BCL2L13: variants seen among roughly 807,000 people sequenced by gnomAD.
BCL2L13 encodes BCL2 like 13, also known as bcl-2-like protein 13.
In BCL2L13, 13 loss-of-function variants were observed where a neutral mutation model predicts 25.8. The ratio of observed to expected loss-of-function variants is 0.50; its 90% CI spans 0.33 to 0.80. The LOEUF is 0.80. Ranked by LOEUF, BCL2L13 falls within the 30% of genes least tolerant of loss-of-function variation. The pLI, the probability that BCL2L13 is intolerant of heterozygous loss-of-function variation, is 0.02. For missense variants in BCL2L13, 504 were observed against 574.9 expected (o/e 0.88, Z 1.26); for synonymous variants, 244 against 230.3 (o/e 1.06, Z -0.54).
chr22:17,722,553 C>T (rs2061176920), intron 6 of BCL2L13, among the ~76,000 whole-genome samples: 1 of 152,054 alleles, frequency 6.6e-6, no homozygotes. Context: ...GGTCTAATTG[C>T]CTATTTTTAA....
intron 2 of BCL2L13, among the ~76,000 whole-genome samples, chr22:17,670,608 G>A (rs1001195661): frequency 1.3e-5 from 2 of 151,866 alleles, no homozygotes; most frequent in African/African-American, 2.4e-5. Flanking sequence ...CCCCGACCTC[G>A]GCTGCTTCGG....
chr22:17,647,828 A>C (rs1418732429), intron 1 of BCL2L13, among the ~76,000 whole-genome samples: 1 of 152,196 alleles, frequency 6.6e-6, no homozygotes, highest in Non-Finnish European at 1.5e-5. Context: ...TATGATGTTT[A>C]TTAGAAATGC....
At chr22:17,651,417 C>G (rs950485192) in intron 1 of BCL2L13, among the ~76,000 whole-genome samples, 14 of 151,378 alleles carry the variant, frequency 9.2e-5, no homozygotes, top group Admixed American at 4.0e-4. Flanking sequence ...GAGTCTTACT[C>G]TGTTGCCCAG....
intron 6 of BCL2L13, among the ~76,000 whole-genome samples, chr22:17,715,010 A>G (rs2060872833): frequency 6.6e-6 from 1 of 151,070 alleles, no homozygotes; most frequent in Non-Finnish European, 1.5e-5. Context: ...AGAATGTTTC[A>G]TCAATGTGGG....
upstream of BCL2L13, chr22:17,638,646 C>T (rs1035567891): frequency 3.3e-6 from 4 of 1,228,756 alleles, no homozygotes; most frequent in African/African-American, 1.6e-5. Flanking sequence ...ACGGAGAGAC[C>T]TCCGGGGCCT....
In BCL2L13 at chr22:17,729,661, AG is replaced by A. The variant is rs2061370737; in HGVS notation, c.*2129del. On this transcript the variant is annotated 3_prime_UTR_variant, in exon 7 of 7. Coordinates refer to ENST00000317582, the MANE Select transcript of BCL2L13 (RefSeq NM_015367.4). Reference sequence around the variant, plus strand: ...AATTGGAGCCTGTGTTGCCCACGAAAGGAAAGAATAAGGAAGAAATGTGGTA... The same window carrying A: ...AATTGGAGCCTGTGTTGCCCACGAAAGAAAGAATAAGGAAGAAATGTGGTA... 6.6e-6 allele frequency: 1 copy of A among 152,218 alleles called. No homozygotes were observed. Among genetic ancestry groups the A allele is most frequent in the African/African-American group, 2.4e-5 (1 of 41,464 alleles). 9.4% of individuals were successfully genotyped at this position (152,218 alleles called of 1,614,324 possible).
intron 1 of BCL2L13, among the ~76,000 whole-genome samples, chr22:17,655,329 T>C (rs972859526): frequency 1.9e-4 from 28 of 150,356 alleles, no homozygotes; most frequent in African/African-American, 6.9e-4. Flanking sequence ...TAAGCAGGAG[T>C]ATACTCTAAC....
chr22:17,685,369 G>T (rs986191859), intron 3 of BCL2L13, among the ~76,000 whole-genome samples: 5 of 151,726 alleles, frequency 3.3e-5, no homozygotes, highest in African/African-American at 2.4e-5. Flanking sequence ...GGGATTACAG[G>T]TACCCACCAC....
At position 17,646,932 on chromosome 22, in the gene BCL2L13, CAT is replaced by C. The variant is rs1170982043; in HGVS notation, c.-51+8069_-51+8070del. Among the ~76,000 whole-genome samples the C allele has an allele frequency of 4.6e-3, 148 of 32,448 alleles. 5 individuals are homozygous for C. Among genetic ancestry groups the C allele is most frequent in the African/African-American group, 8.4e-3 (69 of 8,190 alleles). The allele number at this position is 32,448 out of a possible 152,430, so 21.3% of individuals were successfully genotyped here. A position where few individuals can be genotyped will look rare whatever the true frequency, so the allele number is the denominator to read the frequency against. ...TGTGTGTGTGTGTGTGTATAAACTA[CAT>C]ATATATATATATATATATATATTTT... On this transcript the variant is annotated intron_variant, in intron 1 of 6. Transcript: ENST00000317582.
Position 17,706,655 on chromosome 22 carries a change from G to C in BCL2L13, c.600+4269G>C, listed in dbSNP as rs1020116259. 3 of 1,282,852 alleles carry C rather than the reference G, an allele frequency of 2.3e-6. No homozygotes were observed. In the African/African-American group the frequency reaches 4.6e-5, roughly 20 times the overall value. The allele number at this position is 1,282,852 out of a possible 1,614,324, so 79.5% of individuals were successfully genotyped here. A position where few individuals can be genotyped will look rare whatever the true frequency, so the allele number is the denominator to read the frequency against. On this transcript the variant is annotated intron_variant, in intron 6 of 6. Transcript: ENST00000317582. Reference sequence around the variant, plus strand: ...ACCATTTCCTCTTAGTTTCAGTTTTGACTTTTATTTGCCCTGCAGCCCGGT... The same window carrying C: ...ACCATTTCCTCTTAGTTTCAGTTTTCACTTTTATTTGCCCTGCAGCCCGGT...
At position 17,693,374 on chromosome 22, in the gene BCL2L13, T is replaced by G. The variant is rs796605546; in HGVS notation, c.387-2767T>G. On this transcript the variant is annotated intron_variant, in intron 4 of 6. Coordinates refer to ENST00000317582, the MANE Select transcript of BCL2L13 (RefSeq NM_015367.4). ...ATTTATTTATTTATTTAGTGTTTGTTTTTTTTTTTTTTTTTTTTTTTTGGA... is the reference window on the plus strand; with the variant it reads ...ATTTATTTATTTATTTAGTGTTTGTGTTTTTTTTTTTTTTTTTTTTTTGGA... Among the ~76,000 whole-genome samples, 20 of 24,740 alleles carry G rather than the reference T, an allele frequency of 8.1e-4. No homozygotes were observed. The East Asian group carries it at 0.058, about 72-fold the overall frequency. 16.2% of individuals were successfully genotyped at this position (24,740 alleles called of 152,430 possible). A position where few individuals can be genotyped will look rare whatever the true frequency, so the allele number is the denominator to read the frequency against.
chr22:17,727,315 G>A lies in BCL2L13; in HGVS notation c.1239G>A (p.Glu413=). ...EPTETLLSEK[E]INAREESLVE... ...CAGAAACGCTGCTGAGTGAGAAGGA[G>A]ATAAACGCAAGGGAAGAGAGCCTTG... is the stretch of plus-strand genomic sequence containing the variant. The change falls in exon 7 of 7, where the codon GAG becomes GAA. Residue 413 remains glutamate, a synonymous_variant. Coordinates refer to ENST00000317582, the MANE Select transcript of BCL2L13 (RefSeq NM_015367.4). The A allele has an allele frequency of 6.2e-7, 1 of 1,614,252 alleles. No homozygotes were observed. Among genetic ancestry groups the A allele is most frequent in the Non-Finnish European group, 8.5e-7 (1 of 1,180,046 alleles).
Position 17,702,354 on chromosome 22 carries a change from T to A in BCL2L13, c.568T>A (p.Ser190Thr), listed in dbSNP as rs2060463464. ...QFGVTYLEDYSAEYIIQQGGW... is the reference protein window; with the variant it reads ...QFGVTYLEDYTAEYIIQQGGW... ...TGGCGTGACATACCTGGAGGACTAT[T>A]CGGCAGAGTACATCATTCAGCAAGG... The change falls in exon 6 of 7, where the codon TCG becomes ACG. Residue 190 changes from serine to threonine, a missense_variant. Physicochemically the swap from Ser to Thr is moderately conservative, Grantham distance 58. Transcript: ENST00000317582. 2.5e-6 allele frequency: 4 copies of A among 1,609,928 alleles called. No homozygotes were observed. In the East Asian group the frequency reaches 9.0e-5, roughly 36 times the overall value.
chr22:17,646,981 T>C (rs12172425), intron 1 of BCL2L13, among the ~76,000 whole-genome samples: 1 of 108,576 alleles, frequency 9.2e-6, no homozygotes, highest in African/African-American at 3.5e-5. Context: ...TTTTTTTTTC[T>C]TTTTCTTTTT....
chr22:17,729,695 G>A lies in BCL2L13; in HGVS notation c.*2161G>A, dbSNP rs375740219. On this transcript the variant is annotated 3_prime_UTR_variant, in exon 7 of 7. Transcript: ENST00000317582. ...TAAGGAAGAAATGTGGTATGGAAGC[G>A]GCTACTTGCTGCTTTATTTTCCCAC... 2 of 152,190 alleles carry A rather than the reference G, an allele frequency of 1.3e-5. No individual in the cohort carries two copies. Among genetic ancestry groups the A allele is most frequent in the African/African-American group, 2.4e-5 (1 of 41,434 alleles). The allele number at this position is 152,190 out of a possible 1,614,324, so 9.4% of individuals were successfully genotyped here.
At chr22:17,632,956 G>A (rs956638692) in intron 1 of BCL2L13, among the ~76,000 whole-genome samples, 3 of 151,954 alleles carry the variant, frequency 2.0e-5, no homozygotes, top group African/African-American at 7.2e-5. Context: ...GTTTCACCAT[G>A]TTGGCCAGGT....
chr22:17,643,422 G>A (rs77573264), intron 1 of BCL2L13, among the ~76,000 whole-genome samples: 8,067 of 151,338 alleles, frequency 0.053, 349 homozygotes, highest in African/African-American at 0.12. Flanking sequence ...ATTTTTATTA[G>A]AATTATTTTA....
intron 2 of BCL2L13, among the ~76,000 whole-genome samples, chr22:17,666,966 A>T (rs191272133): frequency 1.3e-5 from 2 of 151,314 alleles, no homozygotes; most frequent in East Asian, 4.0e-4. Context: ...ATTACAGGTG[A>T]TCTCATTGTT....
chr22:17,656,554 G>T (rs941317258), intron 2 of BCL2L13, among the ~76,000 whole-genome samples: 13 of 151,204 alleles, frequency 8.6e-5, no homozygotes, highest in African/African-American at 3.2e-4. Flanking sequence ...TGCCGTGTTG[G>T]CCAGGCTGGT....
Sources: allele counts gnomAD v4.1 joint callset (sites outside exome capture counted in the v4.1 genomes callset), GRCh38; gene constraint gnomAD v4.1.1; transcripts MANE v1.5; gene names NCBI Gene and HGNC (gene_info 2026-07-23, HGNC 2026-07-21).